The following GALNTL6 variants were observed in gnomAD, a reference collection of about 807,000 sequenced individuals.
The protein encoded by GALNTL6 is polypeptide N-acetylgalactosaminyltransferase-like 6.
A neutral mutation model predicts 73.7 loss-of-function variants in GALNTL6; 46 were observed. That is an observed-to-expected ratio of 0.62 (90% confidence interval 0.49 to 0.80). The LOEUF (loss-of-function observed/expected upper bound fraction) is 0.80. Ranked by LOEUF, GALNTL6 falls within the 30% of genes least tolerant of loss-of-function variation. The probability of loss-of-function intolerance (pLI) is 0.00; values close to 1 mark genes in which losing one functional copy is unlikely to be tolerated. For missense variants in GALNTL6, 604 were observed against 755.0 expected (o/e 0.80, Z 2.34); for synonymous variants, 259 against 263.7 (o/e 0.98, Z 0.17).
intron 5 of GALNTL6, among the ~76,000 whole-genome samples, chr4:172,644,399 A>C (rs1740137207): frequency 6.6e-6 from 1 of 151,880 alleles, no homozygotes; most frequent in Non-Finnish European, 1.5e-5. Flanking sequence ...TCTCCCTTCC[A>C]CTTTCAACAA....
chr4:172,377,877 G>A lies in GALNTL6; in HGVS notation c.553+29188G>A, dbSNP rs115910451. ...ACCCACCCAGAATTCACGCTGGCCCGCGAGCGCTGCACGCAGCACCAGATC... is the reference window on the plus strand; with the variant it reads ...ACCCACCCAGAATTCACGCTGGCCCACGAGCGCTGCACGCAGCACCAGATC... On this transcript the variant is annotated intron_variant, in intron 5 of 12. Transcript: ENST00000506823. Among the ~76,000 whole-genome samples the A allele has an allele frequency of 2.9e-3, 436 of 152,000 alleles. 1 individual carries two copies. Among genetic ancestry groups the A allele is most frequent in the African/African-American group, 9.3e-3 (387 of 41,436 alleles).
At chr4:172,743,682 A>G (rs1308992265) in intron 5 of GALNTL6, among the ~76,000 whole-genome samples, 1 of 152,144 alleles carries the variant, frequency 6.6e-6, no homozygotes, top group Non-Finnish European at 1.5e-5. Flanking sequence ...CAGATGATGA[A>G]GATCTGTCTA....
chr4:172,962,277 G>C (rs1370728267), intron 10 of GALNTL6, among the ~76,000 whole-genome samples: 1 of 152,170 alleles, frequency 6.6e-6, no homozygotes, highest in Non-Finnish European at 1.5e-5. Context: ...GGTCACAGGG[G>C]ATATGATGGC....
chr4:172,420,270 A>G (rs1478853127), intron 5 of GALNTL6, among the ~76,000 whole-genome samples: 1 of 152,208 alleles, frequency 6.6e-6, no homozygotes, highest in Non-Finnish European at 1.5e-5. Flanking sequence ...TGTTAAGAAG[A>G]TTCCCCTTCT....
chr4:172,982,249 C>T (rs561691742), intron 10 of GALNTL6, among the ~76,000 whole-genome samples: 1 of 152,344 alleles, frequency 6.6e-6, no homozygotes, highest in East Asian at 1.9e-4. Context: ...CCAAATGCAG[C>T]TCAGCAGGCT....
At chr4:172,680,988 A>T in intron 5 of GALNTL6, among the ~76,000 whole-genome samples, 1 of 152,222 alleles carries the variant, frequency 6.6e-6, no homozygotes, top group African/African-American at 2.4e-5. Context: ...ATGCAGGCAC[A>T]GAAAAGGATT....
rs374486858 is a variant in GALNTL6, at chr4:172,378,051, C to G, written c.553+29362C>G. The stretch of plus-strand genomic sequence containing the variant: ...CAGAGTGGATGCTGAGGCCGCTAAG[C>G]AGGCACCAAGAGCGAGTGAGGGCTG... On this transcript the variant is annotated intron_variant, in intron 5 of 12. Transcript: ENST00000506823. 8.9e-4 allele frequency among the ~76,000 whole-genome samples: 136 copies of G among 152,284 alleles called. 3 individuals carry two copies. In the South Asian group the frequency reaches 0.028, roughly 31 times the overall value.
chr4:172,481,366 C>T, intron 5 of GALNTL6, among the ~76,000 whole-genome samples: 1 of 151,976 alleles, frequency 6.6e-6, no homozygotes, highest in South Asian at 2.1e-4. Context: ...TGAGCACCAG[C>T]AAGACGTATT....
At chr4:172,670,353 G>A (rs746648359) in intron 5 of GALNTL6, among the ~76,000 whole-genome samples, 4 of 152,026 alleles carry the variant, frequency 2.6e-5, no homozygotes, top group Non-Finnish European at 4.4e-5. Flanking sequence ...TCTGTTTGGT[G>A]TGAGATGGTA....
intron 5 of GALNTL6, among the ~76,000 whole-genome samples, chr4:172,675,397 A>G (rs1376255425): frequency 6.6e-6 from 1 of 152,188 alleles, no homozygotes; most frequent in East Asian, 1.9e-4. Context: ...ATGCTGGGGT[A>G]CCTGCCTCCC....
chr4:172,140,500 A>G (rs527276032), intron 2 of GALNTL6, among the ~76,000 whole-genome samples: 30 of 152,170 alleles, frequency 2.0e-4, no homozygotes, highest in African/African-American at 7.0e-4. Flanking sequence ...AGCGCATTTA[A>G]TCCTCATATA....
At chr4:172,401,581 C>A (rs335996) in intron 5 of GALNTL6, among the ~76,000 whole-genome samples, 3 of 152,076 alleles carry the variant, frequency 2.0e-5, no homozygotes, top group Admixed American at 2.0e-4. Context: ...TATAGTTTCT[C>A]TCTTTTTAAA....
intron 2 of GALNTL6, among the ~76,000 whole-genome samples, chr4:172,133,300 T>C (rs1235106573): frequency 1.3e-5 from 2 of 152,220 alleles, no homozygotes; most frequent in East Asian, 3.8e-4. Flanking sequence ...TCCATAGAAC[T>C]GGTTCTGCGT....
At chr4:172,457,226 C>A (rs376163733) in intron 5 of GALNTL6, among the ~76,000 whole-genome samples, 154 of 150,240 alleles carry the variant, frequency 1.0e-3, no homozygotes, top group African/African-American at 2.7e-3. Flanking sequence ...AAAAAAAAAA[C>A]CCAAAAAAAC....
At chr4:172,470,595 T>C (rs779009967) in intron 5 of GALNTL6, among the ~76,000 whole-genome samples, 8 of 152,186 alleles carry the variant, frequency 5.3e-5, no homozygotes, top group Admixed American at 2.0e-4. Context: ...TTTCAATAAG[T>C]AGCACAGCGC....
At chr4:172,385,670 C>T (rs1481476373) in intron 5 of GALNTL6, among the ~76,000 whole-genome samples, 1 of 151,922 alleles carries the variant, frequency 6.6e-6, no homozygotes. Flanking sequence ...ATCTTGTGGA[C>T]AAAATATCAT....
chr4:172,487,087 A>G (rs1302182317), intron 5 of GALNTL6, among the ~76,000 whole-genome samples: 1 of 152,320 alleles, frequency 6.6e-6, no homozygotes, highest in East Asian at 1.9e-4. Flanking sequence ...AATCTGGGCT[A>G]AGTAATAAAT....
In GALNTL6 at chr4:172,136,306, C is replaced by T. The variant is rs994011676; in HGVS notation, c.139-93350C>T. Among the ~76,000 whole-genome samples, 89 of 151,948 alleles carry T rather than the reference C, an allele frequency of 5.9e-4. No individual in the cohort carries two copies. In the Middle Eastern group the frequency reaches 0.01, roughly 17 times the overall value. On this transcript the variant is annotated intron_variant, in intron 2 of 12. Transcript: ENST00000506823. ...AAATCTAGATCACATTGAAAAATGC[C>T]TTCTATCAAAAAAAAGAAAAACCTT...
At chr4:173,012,841 A>G (rs1037349642) in intron 11 of GALNTL6, among the ~76,000 whole-genome samples, 3 of 152,178 alleles carry the variant, frequency 2.0e-5, no homozygotes, top group African/African-American at 7.2e-5. Flanking sequence ...TTATTCACTC[A>G]AATGCGCCCT....
Sources: gnomAD v4.1 joint callset for allele counts (sites outside exome capture counted in the v4.1 genomes callset) on GRCh38, gnomAD v4.1.1 for gene constraint, MANE v1.5 for transcripts, NCBI Gene and HGNC (gene_info 2026-07-23, HGNC 2026-07-21) for gene names.